The following GABBR2 variants were observed in gnomAD, a reference collection of about 807,000 sequenced individuals.
The protein encoded by GABBR2 is G-protein coupled receptor 51.
Under a neutral mutation model 105.6 loss-of-function variants are expected in GABBR2, and 23 were observed. The ratio of observed to expected loss-of-function variants is 0.22; its 90% CI spans 0.16 to 0.31. The LOEUF is 0.31. GABBR2 is among the 10% of genes least tolerant of loss of function. The pLI is 1.00. For synonymous variants in GABBR2, 478 were observed against 499.7 expected, an observed-to-expected ratio of 0.96 and a Z score of 0.58; for missense variants, 734 against 1,245.5, an observed-to-expected ratio of 0.59 and a Z score of 6.18.
chr9:98,565,829 G>A (rs560514078), intron 2 of GABBR2, among the ~76,000 whole-genome samples: 3 of 152,310 alleles, frequency 2.0e-5, no homozygotes, highest in East Asian at 1.9e-4. Flanking sequence ...CCTGAGACGC[G>A]TACCCGGTAT....
intron 1 of GABBR2, among the ~76,000 whole-genome samples, chr9:98,608,755 T>A (rs573554810): frequency 6.6e-6 from 1 of 152,364 alleles, no homozygotes; most frequent in East Asian, 1.9e-4. Flanking sequence ...TTTAGTGCAC[T>A]CTTTAGCCAG....
At chr9:98,367,310 A>AT (rs1554695826) in intron 12 of GABBR2, among the ~76,000 whole-genome samples, 1 of 151,194 alleles carries the variant, frequency 6.6e-6, no homozygotes, top group Non-Finnish European at 1.5e-5. Flanking sequence ...AAAAAAAAAA[A>AT]AAAAATAAGG....
intron 1 of GABBR2, among the ~76,000 whole-genome samples, chr9:98,610,757 G>A (rs7848993): frequency 0.18 from 26,775 of 151,548 alleles, 2,654 homozygotes; most frequent in South Asian, 0.27. Context: ...CTTGATTTCA[G>A]ACTTCTGGCC....
At chr9:98,648,508 C>T (rs138652853) in intron 1 of GABBR2, among the ~76,000 whole-genome samples, 174 of 152,240 alleles carry the variant, frequency 1.1e-3, no homozygotes, top group African/African-American at 3.9e-3. Context: ...TTCAAATTTG[C>T]CGCTTTAAGG....
intron 1 of GABBR2, among the ~76,000 whole-genome samples, chr9:98,578,648 T>G (rs1180559229): frequency 6.6e-6 from 1 of 152,090 alleles, no homozygotes; most frequent in Non-Finnish European, 1.5e-5. Flanking sequence ...CTTGAAGAGA[T>G]AGTTGTACAC....
At chr9:98,503,221 C>T (rs1015615965) in intron 3 of GABBR2, among the ~76,000 whole-genome samples, 10 of 152,004 alleles carry the variant, frequency 6.6e-5, no homozygotes, top group South Asian at 4.1e-4. Flanking sequence ...CTTCCTGTGA[C>T]GGGAGGGAGC....
chr9:98,383,221 G>A (rs1229861398), intron 11 of GABBR2, among the ~76,000 whole-genome samples: 1 of 152,138 alleles, frequency 6.6e-6, no homozygotes, highest in African/African-American at 2.4e-5. Context: ...GATTATAGGT[G>A]TGAGCCACTG....
chr9:98,610,131 A>G (rs572611179), intron 1 of GABBR2, among the ~76,000 whole-genome samples: 1 of 152,294 alleles, frequency 6.6e-6, no homozygotes, highest in Admixed American at 6.5e-5. Context: ...CCCGCCTAGG[A>G]GGGCAGTGCA....
At chr9:98,331,809 G>A (rs1320206987) in intron 13 of GABBR2, among the ~76,000 whole-genome samples, 1 of 152,230 alleles carries the variant, frequency 6.6e-6, no homozygotes, top group African/African-American at 2.4e-5. Context: ...GGAAGTGGGA[G>A]TGGGAGCATG....
At chr9:98,348,223 T>C (rs762213912) in intron 13 of GABBR2, among the ~76,000 whole-genome samples, 2 of 152,350 alleles carry the variant, frequency 1.3e-5, no homozygotes, top group African/African-American at 2.4e-5. Flanking sequence ...CTTGACACCT[T>C]TGTCAAAAAT....
At chr9:98,475,572 C>T (rs889808995) in intron 5 of GABBR2, among the ~76,000 whole-genome samples, 3 of 152,156 alleles carry the variant, frequency 2.0e-5, no homozygotes, top group Admixed American at 6.5e-5. Flanking sequence ...CACAACTACC[C>T]TATGAGGTAT....
intron 13 of GABBR2, among the ~76,000 whole-genome samples, chr9:98,333,784 C>A: frequency 6.6e-6 from 1 of 152,192 alleles, no homozygotes; most frequent in Non-Finnish European, 1.5e-5. Context: ...CAGTAAGTGG[C>A]TGAACTGGGA....
chr9:98,487,447 T>C (rs139906964), intron 4 of GABBR2, among the ~76,000 whole-genome samples: 20 of 152,300 alleles, frequency 1.3e-4, no homozygotes, highest in African/African-American at 4.6e-4. Flanking sequence ...TCTCAAAGCC[T>C]ACCTTTGTAG....
At chr9:98,553,821 A>G (rs1359995304) in intron 2 of GABBR2, among the ~76,000 whole-genome samples, 1 of 152,054 alleles carries the variant, frequency 6.6e-6, no homozygotes, top group Non-Finnish European at 1.5e-5. Context: ...GCACATGATC[A>G]CTCCGCAAGC....
chr9:98,523,682 G>C (rs2779579), intron 3 of GABBR2, among the ~76,000 whole-genome samples: 146,526 of 152,260 alleles, frequency 0.96, 70,556 homozygotes, highest in African/African-American at 0.99. Context: ...AGTAACCAGT[G>C]GGACCAGTGT....
rs117767709 is a variant in GABBR2, at chr9:98,446,519, A to T, written c.1236+7462T>A. Reference sequence around the variant, plus strand: ...TCACTGCCATGTCCTGGGCAATGGTACATTTCATCTGAGTTTGAGGGTGGG... The same window carrying T: ...TCACTGCCATGTCCTGGGCAATGGTTCATTTCATCTGAGTTTGAGGGTGGG... On this transcript the variant is annotated intron_variant, in intron 7 of 18. Transcript: ENST00000259455. Among the ~76,000 whole-genome samples the T allele has an allele frequency of 6.6e-5, 10 of 152,202 alleles. No homozygotes were observed. The East Asian group carries it at 1.9e-3, about 29-fold the overall frequency.
At chr9:98,518,692 C>T (rs1268619218) in intron 3 of GABBR2, among the ~76,000 whole-genome samples, 1 of 152,234 alleles carries the variant, frequency 6.6e-6, no homozygotes, top group Non-Finnish European at 1.5e-5. Context: ...CATGAGGTCC[C>T]CTCAGCCCCA....
intron 1 of GABBR2, among the ~76,000 whole-genome samples, chr9:98,691,289 C>T (rs934710792): frequency 5.3e-5 from 8 of 152,186 alleles, no homozygotes; most frequent in African/African-American, 1.7e-4. Flanking sequence ...CACGGACAAA[C>T]CCTGCAAGGC....
At chr9:98,606,245 T>A (rs1829419736) in intron 1 of GABBR2, among the ~76,000 whole-genome samples, 1 of 152,214 alleles carries the variant, frequency 6.6e-6, no homozygotes, top group African/African-American at 2.4e-5. Context: ...CGTGTGCGTG[T>A]GTCTTTATAG....
Sources: allele counts gnomAD v4.1 joint callset (sites outside exome capture counted in the v4.1 genomes callset), GRCh38; gene constraint gnomAD v4.1.1; transcripts MANE v1.5; gene names NCBI Gene and HGNC (gene_info 2026-07-23, HGNC 2026-07-21).